The following RTCA variants were observed in gnomAD, a reference collection of about 807,000 sequenced individuals.
RTCA encodes the protein RNA terminal phosphate cyclase domain 1.
A neutral mutation model predicts 46.1 loss-of-function variants in RTCA; 37 were observed. The observed-to-expected ratio is 0.80, with a 90% CI of 0.62 to 1.06. RTCA has a LOEUF of 1.06. Among genes scored for constraint, RTCA ranks in the 50% least tolerant of loss-of-function variants. RTCA has a pLI of 0.00. For synonymous variants in RTCA, 164 were observed against 158.3 expected (o/e 1.04, Z -0.27); for missense variants, 435 against 455.5 (o/e 0.95, Z 0.41).
chr1:100,270,761 T>C, intron 4 of RTCA, 81 bp downstream of exon 4: 1 of 1,484,830 alleles, frequency 6.7e-7, no homozygotes, highest in Non-Finnish European at 9.1e-7. Flanking sequence ...ATCCTGAGTG[T>C]TTTTTTGTGA....
Position 100,273,392 on chromosome 1 carries a change from A to T in RTCA, c.415-2A>T. Reference sequence around the variant, plus strand: ...CCTAATGATAAAAACTGATTTTTTCAGGTCTTCAAGCCAATTGTTGAAAAA... The same window carrying T: ...CCTAATGATAAAAACTGATTTTTTCTGGTCTTCAAGCCAATTGTTGAAAAA... On this transcript the variant is annotated splice_acceptor_variant, in intron 4 of 10. Transcript: ENST00000370128. LOFTEE classifies it high-confidence loss of function. 2 of 1,564,978 alleles carry T rather than the reference A, an allele frequency of 1.3e-6. No homozygotes were observed. The highest frequency in any genetic ancestry group is 1.7e-6 in the Non-Finnish European group (2 of 1,147,916).
At chr1:100,276,074 A>T (rs998645030) in intron 7 of RTCA, among the ~76,000 whole-genome samples, 1 of 151,942 alleles carries the variant, frequency 6.6e-6, no homozygotes, top group Non-Finnish European at 1.5e-5. Flanking sequence ...TGACCTCATG[A>T]TCCACCTGCC....
Position 100,269,363 on chromosome 1 carries a change from C to G in RTCA, c.290+1068C>G, listed in dbSNP as rs74329798. Among the ~76,000 whole-genome samples, 3 of 123,286 alleles carry G rather than the reference C, an allele frequency of 2.4e-5. No individual in the cohort carries two copies. The East Asian group carries it at 7.2e-4, about 30-fold the overall frequency. 80.9% of individuals were successfully genotyped at this position (123,286 alleles called of 152,430 possible). ...CCATGTGAAATATTTAGCTATCAGT[C>G]TTTTTTTTTTTTTTTTTTGGTCTCC... On this transcript the variant is annotated intron_variant, in intron 3 of 10. Transcript: ENST00000370128.
rs141551242 is a variant in RTCA, at chr1:100,268,615, G to A, written c.290+320G>A. Among the ~76,000 whole-genome samples the A allele has an allele frequency of 4.6e-3, 692 of 152,072 alleles. 2 individuals are homozygous for A. Among genetic ancestry groups the A allele is most frequent in the African/African-American group, 0.015 (633 of 41,508 alleles). On this transcript the variant is annotated intron_variant, in intron 3 of 10. Transcript: ENST00000370128. ...TTCGCCATGTTTTTCAGCTGGTCTC[G>A]AATTCCTAAGCTCAAGCAATCCACC...
intron 8 of RTCA, 41 bp from the exon 9 acceptor site, chr1:100,285,183 GTTTT>G (rs2100811749): frequency 7.6e-7 from 1 of 1,320,298 alleles, no homozygotes; most frequent in Non-Finnish European, 1.0e-6. Context: ...AATTAGTTTT[GTTTT>G]GTTTTGTTTT....
chr1:100,266,696 A>T lies in RTCA; in HGVS notation c.146+72A>T, dbSNP rs552530475. 186 of 1,316,548 alleles carry T rather than the reference A, an allele frequency of 1.4e-4. 1 individual carries two copies. In the African/African-American group the frequency reaches 2.2e-3, roughly 16 times the overall value. The allele number at this position is 1,316,548 out of a possible 1,614,324, so 81.6% of individuals were successfully genotyped here. On this transcript the variant is annotated intron_variant, in intron 2 of 10. Coordinates refer to ENST00000370128, the MANE Select transcript of RTCA (RefSeq NM_003729.4). ...GGGGGTCGGGCTGCCGGGCTGGGGC[A>T]TCGGGAGTCCGAGTGGTGGAACCCA...
intron 2 of RTCA, chr1:100,267,419 T>G (rs999941212): frequency 7.5e-7 from 1 of 1,333,610 alleles, no homozygotes; most frequent in Non-Finnish European, 9.8e-7. Flanking sequence ...CTGTAGGTGT[T>G]GTATTAGTTT....
At chr1:100,282,094 A>T (rs1027891004) in intron 8 of RTCA, among the ~76,000 whole-genome samples, 6 of 152,196 alleles carry the variant, frequency 3.9e-5, no homozygotes, top group African/African-American at 1.4e-4. Context: ...ATTAGTTAGA[A>T]AAGCATTAAG....
chr1:100,273,503 A>G (rs1666214145), intron 5 of RTCA, 51 bp downstream of exon 5: 2 of 1,211,102 alleles, frequency 1.7e-6, no homozygotes, highest in Non-Finnish European at 2.3e-6. Context: ...CGCTAGAAGT[A>G]GTGGAAAAGT....
chr1:100,280,624 A>G (rs1347962034), intron 8 of RTCA, among the ~76,000 whole-genome samples: 2 of 152,198 alleles, frequency 1.3e-5, no homozygotes, highest in Admixed American at 6.5e-5. Context: ...CAGCTTGTCT[A>G]TATATTAAGG....
chr1:100,282,444 T>C (rs938270879), intron 8 of RTCA, among the ~76,000 whole-genome samples: 21 of 152,246 alleles, frequency 1.4e-4, no homozygotes, highest in African/African-American at 5.1e-4. Flanking sequence ...CCTCAAATTA[T>C]TCTAGAACCT....
At chr1:100,286,253 C>A (rs1329051980) in intron 9 of RTCA, among the ~76,000 whole-genome samples, 2 of 151,878 alleles carry the variant, frequency 1.3e-5, no homozygotes, top group East Asian at 3.9e-4. Flanking sequence ...GAGATCGAGA[C>A]CATCCTGGCT....
chr1:100,270,041 ATAT>A (rs1427277047), intron 3 of RTCA, among the ~76,000 whole-genome samples: 4 of 152,198 alleles, frequency 2.6e-5, no homozygotes, highest in African/African-American at 9.7e-5. Context: ...GCTGCGTAAA[ATAT>A]TATTCTATCA....
intron 6 of RTCA, 146 bp from the exon 7 acceptor site, chr1:100,275,453 A>C (rs1666319145): frequency 1.8e-6 from 1 of 558,592 alleles, no homozygotes; most frequent in African/African-American, 1.9e-5. Flanking sequence ...AAGCATATTT[A>C]AAAATTCAGT....
rs761875362 is a variant in RTCA, at chr1:100,270,580, T to C, written c.314T>C (p.Val105Ala). The C allele has an allele frequency of 1.2e-6, 2 of 1,614,104 alleles. No individual in the cohort carries two copies. Among genetic ancestry groups the C allele is most frequent in the East Asian group, 4.5e-5 (2 of 44,872 alleles). The change falls in exon 4 of 11, where the codon GTC (valine) becomes GCC (alanine). Residue 105 changes from valine (V) to alanine (A), a missense_variant. Coordinates refer to ENST00000370128, the MANE Select transcript of RTCA (RefSeq NM_003729.4). ...TAGSVCLLMQ[V>A]SMPCVLFAAS... Reference sequence around the variant, plus strand: ...AGGAGTGTGTGCCTCTTGATGCAGGTCTCAATGCCGTGTGTTCTCTTTGCT... The same window carrying C: ...AGGAGTGTGTGCCTCTTGATGCAGGCCTCAATGCCGTGTGTTCTCTTTGCT...
At chr1:100,281,097 A>T (rs1442534980) in intron 8 of RTCA, 1 of 467,896 alleles carries the variant, frequency 2.1e-6, no homozygotes, top group Non-Finnish European at 4.2e-6. Flanking sequence ...CAATACCACC[A>T]TAGGTGGTAG....
At chr1:100,290,799 G>T (rs1306168428) in intron 10 of RTCA, among the ~76,000 whole-genome samples, 3 of 151,990 alleles carry the variant, frequency 2.0e-5, no homozygotes, top group Non-Finnish European at 4.4e-5. Flanking sequence ...AAAATACAAT[G>T]ATACAGGTAA....
intron 8 of RTCA, among the ~76,000 whole-genome samples, chr1:100,280,790 C>G (rs561562087): frequency 6.2e-4 from 95 of 152,204 alleles, no homozygotes; most frequent in Middle Eastern, 3.4e-3. Flanking sequence ...TCACTTGAAC[C>G]CAAGTGTTCA....
intron 9 of RTCA, 47 bp downstream of exon 9, chr1:100,285,369 A>G (rs763186728): frequency 1.6e-6 from 2 of 1,264,196 alleles, no homozygotes; most frequent in Admixed American, 1.7e-5. Flanking sequence ...TTAGATTTGA[A>G]TATGTGGTAG....
Sources: gnomAD v4.1 joint callset for allele counts (sites outside exome capture counted in the v4.1 genomes callset) on GRCh38, gnomAD v4.1.1 for gene constraint, MANE v1.5 for transcripts, NCBI Gene and HGNC (gene_info 2026-07-23, HGNC 2026-07-21) for gene names.